Variants in GRIK4 observed in about 807,000 individuals in gnomAD.
GRIK4 encodes the protein glutamate receptor ionotropic, kainate 4.
GRIK4 carries 40 observed loss-of-function variants against 104.9 expected under a neutral mutation model. The ratio of observed to expected loss-of-function variants is 0.38; its 90% CI spans 0.30 to 0.50. GRIK4 has a LOEUF of 0.50. Among genes scored for constraint, GRIK4 ranks in the 20% least tolerant of loss-of-function variants. The pLI, the probability that GRIK4 is intolerant of heterozygous loss-of-function variation, is 0.93. For missense variants in GRIK4, 1,047 were observed against 1,308.1 expected, an observed-to-expected ratio of 0.80 and a Z score of 3.08; for synonymous variants, 485 against 524.9, an observed-to-expected ratio of 0.92 and a Z score of 1.04.
At chr11:120,585,343 C>CTTTTTTT (rs138152898) in intron 1 of GRIK4, among the ~76,000 whole-genome samples, 2 of 143,756 alleles carry the variant, frequency 1.4e-5, no homozygotes, top group African/African-American at 2.6e-5. Context: ...CTCTCTCTCT[C>CTTTTTTT]TTTTTTTTTT....
At chr11:120,545,386 A>G (rs1385090565) in intron 1 of GRIK4, among the ~76,000 whole-genome samples, 2 of 152,254 alleles carry the variant, frequency 1.3e-5, no homozygotes, top group Admixed American at 6.5e-5. Flanking sequence ...TTTAAAAAAT[A>G]CAGTGAGGCA....
intron 4 of GRIK4, among the ~76,000 whole-genome samples, chr11:120,814,787 C>T (rs951779075): frequency 7.9e-5 from 12 of 152,304 alleles, no homozygotes; most frequent in African/African-American, 1.2e-4. Flanking sequence ...AAGTGAACGA[C>T]GGGGGCATTG....
At chr11:120,757,261 G>A (rs1486154565) in intron 3 of GRIK4, among the ~76,000 whole-genome samples, 1 of 152,224 alleles carries the variant, frequency 6.6e-6, no homozygotes, top group Non-Finnish European at 1.5e-5. Flanking sequence ...TGTGTCTGCT[G>A]GGCCAGGATA....
intron 1 of GRIK4, among the ~76,000 whole-genome samples, chr11:120,523,202 C>T (rs1947816026): frequency 6.6e-6 from 1 of 150,510 alleles, no homozygotes; most frequent in Non-Finnish European, 1.5e-5. Flanking sequence ...AAAATAGCAT[C>T]AGCCGACTCT....
chr11:120,607,867 G>A lies in GRIK4; in HGVS notation c.-158-45818G>A, dbSNP rs559980570. 4.6e-5 allele frequency among the ~76,000 whole-genome samples: 7 copies of A among 152,264 alleles called. 1 individual carries two copies. The highest frequency in any genetic ancestry group is 1.7e-4 in the African/African-American group (7 of 41,552). ...AAGAAAGCCTGGCAAGTCAACTGAG[G>A]AGCAACTGGAGAAGGTGGAGGGAAA... On this transcript the variant is annotated intron_variant, in intron 1 of 20. Transcript: ENST00000527524.
chr11:120,668,295 GAAA>G (rs1949956711), intron 3 of GRIK4, among the ~76,000 whole-genome samples: 1 of 107,476 alleles, frequency 9.3e-6, no homozygotes, highest in South Asian at 2.9e-4. Flanking sequence ...AAGAGAGAAA[GAAA>G]AAAGAAAAGA....
In GRIK4 at chr11:120,884,989, C is replaced by T. The variant is rs568252975; in HGVS notation, c.1164+9746C>T. Among the ~76,000 whole-genome samples the T allele has an allele frequency of 2.6e-5, 4 of 152,360 alleles. No individual in the cohort carries two copies. In the South Asian group the frequency reaches 6.2e-4, roughly 24 times the overall value. ...TTCCACCCGGGTGCTTCATTAAAAC[C>T]GTGAGTTCAATTGGCATCTGCCACT... On this transcript the variant is annotated intron_variant, in intron 11 of 20. Transcript: ENST00000527524.
chr11:120,839,465 C>T (rs1953662014), intron 8 of GRIK4, among the ~76,000 whole-genome samples: 1 of 152,134 alleles, frequency 6.6e-6, no homozygotes, highest in Non-Finnish European at 1.5e-5. Flanking sequence ...TAGTACCTGC[C>T]TCGGGAGATA....
intron 1 of GRIK4, among the ~76,000 whole-genome samples, chr11:120,622,651 A>G (rs4936532): frequency 0.86 from 130,936 of 152,240 alleles, 56,632 homozygotes; most frequent in African/African-American, 0.94. Context: ...CCGGAAGCCA[A>G]GTGGCTTAAA....
intron 13 of GRIK4, among the ~76,000 whole-genome samples, chr11:120,918,282 C>T (rs952566926): frequency 6.6e-6 from 1 of 152,212 alleles, no homozygotes; most frequent in African/African-American, 2.4e-5. Context: ...CCCTTCCCCT[C>T]AGGAGTAAGA....
chr11:120,646,185 G>A (rs1331124038), intron 1 of GRIK4, among the ~76,000 whole-genome samples: 1 of 152,206 alleles, frequency 6.6e-6, no homozygotes, highest in Non-Finnish European at 1.5e-5. Context: ...GACAATAATA[G>A]CAATAATCAC....
intron 3 of GRIK4, among the ~76,000 whole-genome samples, chr11:120,687,104 A>G (rs1245075719): frequency 3.9e-5 from 6 of 152,252 alleles, no homozygotes; most frequent in Admixed American, 1.3e-4. Context: ...AGTAATTTAT[A>G]AAGAGATCTT....
At chr11:120,928,262 G>A (rs1454774535) in intron 13 of GRIK4, among the ~76,000 whole-genome samples, 3 of 149,918 alleles carry the variant, frequency 2.0e-5, no homozygotes, top group South Asian at 4.3e-4. Flanking sequence ...AAATGGCATC[G>A]TCTGCTTTAG....
At chr11:120,757,487 G>C (rs1026967227) in intron 3 of GRIK4, among the ~76,000 whole-genome samples, 1 of 152,190 alleles carries the variant, frequency 6.6e-6, no homozygotes, top group African/African-American at 2.4e-5. Context: ...AAATAGCAAG[G>C]ATGACATGTG....
intron 14 of GRIK4, among the ~76,000 whole-genome samples, chr11:120,945,021 A>G (rs1461407088): frequency 6.6e-6 from 1 of 151,940 alleles, no homozygotes; most frequent in Non-Finnish European, 1.5e-5. Context: ...GACAAATGTA[A>G]TCATATCAAC....
intron 3 of GRIK4, among the ~76,000 whole-genome samples, chr11:120,770,734 G>A (rs1951925433): frequency 6.6e-6 from 1 of 152,190 alleles, no homozygotes; most frequent in Non-Finnish European, 1.5e-5. Flanking sequence ...GTATTAGGAG[G>A]TGAGGACTTT....
chr11:120,982,559 G>T (rs1362105369), intron 20 of GRIK4, among the ~76,000 whole-genome samples: 3 of 152,054 alleles, frequency 2.0e-5, no homozygotes, highest in Non-Finnish European at 4.4e-5. Context: ...GCGAACCCAA[G>T]AATTTTATCC....
chr11:120,658,234 C>T (rs888234714), intron 2 of GRIK4, among the ~76,000 whole-genome samples: 4 of 152,050 alleles, frequency 2.6e-5, no homozygotes, highest in Non-Finnish European at 5.9e-5. Flanking sequence ...ATTTTCATTT[C>T]TGTATAACAT....
chr11:120,599,470 C>T (rs556180422), intron 1 of GRIK4, among the ~76,000 whole-genome samples: 3 of 152,116 alleles, frequency 2.0e-5, no homozygotes, highest in Non-Finnish European at 2.9e-5. Context: ...ACAGAGTTTC[C>T]GCCGTTATCT....
Sources: gnomAD v4.1 joint callset for allele counts (sites outside exome capture counted in the v4.1 genomes callset) on GRCh38, gnomAD v4.1.1 for gene constraint, MANE v1.5 for transcripts, NCBI Gene and HGNC (gene_info 2026-07-23, HGNC 2026-07-21) for gene names.